The following CNBD1 variants were observed in gnomAD, a reference collection of about 807,000 sequenced individuals.
CNBD1 encodes cyclic nucleotide-binding domain-containing protein 1.
Under a neutral mutation model 54.4 loss-of-function variants are expected in CNBD1, and 71 were observed. The ratio of observed to expected loss-of-function variants is 1.30; its 90% CI spans 1.08 to 1.59. CNBD1 has a LOEUF of 1.59. Among genes scored for constraint, CNBD1 ranks in the 40% most tolerant of loss-of-function variants. CNBD1 has a pLI of 0.00. For missense variants in CNBD1, 659 were observed against 518.0 expected (o/e 1.27, Z -2.64); for synonymous variants, 182 against 170.7 (o/e 1.07, Z -0.51).
intron 4 of CNBD1, among the ~76,000 whole-genome samples, chr8:87,081,160 ATACT>A (rs1246207663): frequency 2.0e-5 from 3 of 151,948 alleles, no homozygotes; most frequent in Non-Finnish European, 4.4e-5. Context: ...GTTTCTCTAA[ATACT>A]TATTTAGCTT....
chr8:86,866,644 C>T, intron 1 of CNBD1, 61 bp downstream of exon 1: 1 of 1,301,700 alleles, frequency 7.7e-7, no homozygotes. Context: ...GGTTCTTACC[C>T]CAGCTATGAA....
chr8:86,904,559 A>G (rs1383704845), intron 2 of CNBD1, among the ~76,000 whole-genome samples: 1 of 152,140 alleles, frequency 6.6e-6, no homozygotes, highest in Non-Finnish European at 1.5e-5. Flanking sequence ...TTATCAATAA[A>G]TGGATCAGAA....
chr8:87,422,356 A>G (rs1045658876), intron 2 of CNBD1, among the ~76,000 whole-genome samples: 12 of 140,994 alleles, frequency 8.5e-5, no homozygotes, highest in African/African-American at 2.8e-4. Flanking sequence ...GCCCGTGCCT[A>G]TGTCCTGAAT....
At chr8:87,312,154 G>C (rs1809279901) in intron 8 of CNBD1, among the ~76,000 whole-genome samples, 1 of 152,068 alleles carries the variant, frequency 6.6e-6, no homozygotes, top group East Asian at 1.9e-4. Flanking sequence ...CCTCTGAAAG[G>C]TGCAAATTGT....
At chr8:87,147,285 A>T (rs1245656877) in intron 4 of CNBD1, among the ~76,000 whole-genome samples, 1 of 152,116 alleles carries the variant, frequency 6.6e-6, no homozygotes, top group Non-Finnish European at 1.5e-5. Context: ...TTTCCAGAAT[A>T]TAACATCCAT....
chr8:86,989,305 A>ATACG (rs147486562), intron 4 of CNBD1, among the ~76,000 whole-genome samples: 1 of 3,376 alleles, frequency 3.0e-4, no homozygotes, highest in African/African-American at 1.4e-3. Context: ...AAACAAATAA[A>ATACG]TACATACATA....
intron 5 of CNBD1, among the ~76,000 whole-genome samples, chr8:87,206,887 G>C (rs914903727): frequency 6.6e-6 from 1 of 152,120 alleles, no homozygotes; most frequent in Non-Finnish European, 1.5e-5. Context: ...GCTTAGAATC[G>C]AGTTTCAAAC....
intron 4 of CNBD1, among the ~76,000 whole-genome samples, chr8:87,068,637 A>G (rs1810702506): frequency 6.6e-6 from 1 of 152,130 alleles, no homozygotes; most frequent in Admixed American, 6.6e-5. Context: ...AAGTACATCC[A>G]TAAAATTAAC....
chr8:87,355,130 G>A (rs904532207), intron 10 of CNBD1, among the ~76,000 whole-genome samples: 1 of 152,180 alleles, frequency 6.6e-6, no homozygotes, highest in African/African-American at 2.4e-5. Context: ...ACTCAAGTGA[G>A]TGTTTGTATG....
chr8:87,420,516 C>T (rs1807912443), intron 2 of CNBD1, among the ~76,000 whole-genome samples: 1 of 152,006 alleles, frequency 6.6e-6, no homozygotes, highest in African/African-American at 2.4e-5. Context: ...AGTTTTATTA[C>T]ATGTCAAAGT....
At chr8:87,423,716 A>T (rs1431574916) in intron 2 of CNBD1, among the ~76,000 whole-genome samples, 15 of 150,946 alleles carry the variant, frequency 9.9e-5, no homozygotes, top group Non-Finnish European at 2.9e-5. Flanking sequence ...ATGTTCATCA[A>T]GGATATTGGT....
chr8:87,079,370 A>G (rs931570431), intron 4 of CNBD1, among the ~76,000 whole-genome samples: 2 of 152,126 alleles, frequency 1.3e-5, no homozygotes, highest in Admixed American at 6.5e-5. Flanking sequence ...AGTAATTTTT[A>G]TAAATATTTT....
At chr8:86,941,003 T>C (rs1196997545) in intron 4 of CNBD1, among the ~76,000 whole-genome samples, 2 of 152,204 alleles carry the variant, frequency 1.3e-5, no homozygotes, top group Non-Finnish European at 2.9e-5. Flanking sequence ...CTATGATGTT[T>C]ACAGAATGAC....
intron 6 of CNBD1, among the ~76,000 whole-genome samples, chr8:87,280,985 T>TGA (rs61312884): frequency 0.28 from 42,426 of 151,130 alleles, 6,387 homozygotes; most frequent in African/African-American, 0.39. Flanking sequence ...TCAAAAAAAT[T>TGA]GAGAGACTGA....
At chr8:87,023,616 C>T (rs1809534779) in intron 4 of CNBD1, among the ~76,000 whole-genome samples, 1 of 152,074 alleles carries the variant, frequency 6.6e-6, no homozygotes, top group African/African-American at 2.4e-5. Context: ...TTCTTTAAGT[C>T]AAATTTTAAT....
chr8:87,045,581 C>T (rs1435051076), intron 4 of CNBD1, among the ~76,000 whole-genome samples: 5 of 151,454 alleles, frequency 3.3e-5, no homozygotes, highest in South Asian at 4.2e-4. Flanking sequence ...AAAAATTAGC[C>T]GGGCGTGGTG....
chr8:87,397,566 A>G (rs999777661), intron 2 of CNBD1, among the ~76,000 whole-genome samples: 23 of 152,060 alleles, frequency 1.5e-4, no homozygotes, highest in African/African-American at 5.1e-4. Flanking sequence ...AGTGCTAGAA[A>G]TGTAGTGAAA....
At position 87,405,003 on chromosome 8, in the gene CNBD1, G is replaced by A. The variant is rs1274112654; in HGVS notation, c.214-23543G>A. 2.6e-5 allele frequency among the ~76,000 whole-genome samples: 4 copies of A among 152,144 alleles called. No homozygotes were observed. The East Asian group carries it at 7.8e-4, about 30-fold the overall frequency. On this transcript the variant is annotated intron_variant, in intron 2 of 7. Transcript: ENST00000521593. The stretch of plus-strand genomic sequence containing the variant: ...TTGAGTTATAACTGGGAAGCAGCAA[G>A]AAAGATTTTTGAGTCATAAAACTGC...
chr8:87,035,956 G>T (rs1321366218), intron 4 of CNBD1, among the ~76,000 whole-genome samples: 2 of 152,144 alleles, frequency 1.3e-5, no homozygotes, highest in Non-Finnish European at 2.9e-5. Context: ...TAAGGAAGAT[G>T]CTGGGAAACT....
Sources: gnomAD v4.1 joint callset for allele counts (sites outside exome capture counted in the v4.1 genomes callset) on GRCh38, gnomAD v4.1.1 for gene constraint, MANE v1.5 for transcripts, NCBI Gene and HGNC (gene_info 2026-07-23, HGNC 2026-07-21) for gene names.